ATP6V0E1: variants seen among roughly 807,000 people sequenced by gnomAD.
ATP6V0E1 encodes the protein ATPase H+ transporting V0 subunit e1, also known as V-type proton ATPase subunit e 1.
In ATP6V0E1, 4 loss-of-function variants were observed where a neutral mutation model predicts 11.6. The ratio of observed to expected loss-of-function variants is 0.35; its 90% CI spans 0.17 to 0.79. The LOEUF (loss-of-function observed/expected upper bound fraction) is 0.79, where lower values mean the gene tolerates loss of function less well. ATP6V0E1 is among the 30% of genes least tolerant of loss of function. The pLI is 0.54. For synonymous variants in ATP6V0E1, 36 were observed against 34.8 expected (o/e 1.04, Z -0.13); for missense variants, 105 against 100.0 (o/e 1.05, Z -0.21).
chr5:173,009,167 G>C (rs1045630855), intron 2 of ATP6V0E1, among the ~76,000 whole-genome samples: 2 of 151,380 alleles, frequency 1.3e-5, no homozygotes, highest in African/African-American at 4.9e-5. Flanking sequence ...CAGAGGTTAT[G>C]GTGAGCCAAG....
chr5:173,014,686 G>A (rs1282549358), intron 2 of ATP6V0E1, among the ~76,000 whole-genome samples: 1 of 152,128 alleles, frequency 6.6e-6, no homozygotes, highest in Non-Finnish European at 1.5e-5. Context: ...TCAAAGACAT[G>A]AAGAGTAGAA....
intron 2 of ATP6V0E1, among the ~76,000 whole-genome samples, chr5:172,997,812 CAA>C (rs772648443): frequency 1.9e-4 from 18 of 92,572 alleles, no homozygotes; most frequent in African/African-American, 2.3e-4. Flanking sequence ...GACTCCGTCT[CAA>C]AAAAAAAAAA....
chr5:173,033,679 C>CA (rs201162577), intron 3 of ATP6V0E1, among the ~76,000 whole-genome samples: 3,180 of 151,852 alleles, frequency 0.021, 61 homozygotes, highest in African/African-American at 0.042. Flanking sequence ...CCTGTCTCTA[C>CA]AAAAAAATAT....
In ATP6V0E1 at chr5:173,006,600, T is replaced by C. The variant is rs189632756; in HGVS notation, c.152+11778T>C. On this transcript the variant is annotated intron_variant, in intron 2 of 3. Transcript: ENST00000519374. ...CTGCACTCCAGCCTGGGTGACAGAG[T>C]GAGACTCCATCTCAAACAAACAAAC... 8.6e-3 allele frequency among the ~76,000 whole-genome samples: 1,306 copies of C among 152,024 alleles called. 18 individuals carry two copies. The highest frequency in any genetic ancestry group is 0.03 in the African/African-American group (1,245 of 41,432).
chr5:173,033,257 G>A (rs116250525), intron 3 of ATP6V0E1, among the ~76,000 whole-genome samples: 3,463 of 152,100 alleles, frequency 0.023, 96 homozygotes, highest in African/African-American at 0.059. Context: ...GTGTGTCATC[G>A]TGCTGTAGAG....
chr5:173,009,828 A>G (rs1403834008), intron 2 of ATP6V0E1, among the ~76,000 whole-genome samples: 2 of 146,760 alleles, frequency 1.4e-5, no homozygotes, highest in African/African-American at 2.6e-5. Flanking sequence ...CAGTGGCACA[A>G]TCTGAGCTCA....
chr5:173,000,119 AT>A (rs1362448923), intron 2 of ATP6V0E1, among the ~76,000 whole-genome samples: 1 of 152,182 alleles, frequency 6.6e-6, no homozygotes, highest in Non-Finnish European at 1.5e-5. Flanking sequence ...AAATGCATTC[AT>A]GGACTTTTAA....
chr5:173,010,470 T>C (rs1164405223), intron 2 of ATP6V0E1, among the ~76,000 whole-genome samples: 1 of 152,188 alleles, frequency 6.6e-6, no homozygotes, highest in Non-Finnish European at 1.5e-5. Context: ...CAGGAGACAG[T>C]GGGCTTGGGG....
At chr5:173,018,214 C>T (rs1756431909) in intron 2 of ATP6V0E1, among the ~76,000 whole-genome samples, 1 of 152,024 alleles carries the variant, frequency 6.6e-6, no homozygotes, top group South Asian at 2.1e-4. Flanking sequence ...TATTATATCC[C>T]GTGTTCCTAT....
At chr5:173,008,353 G>A (rs1756261241) in intron 2 of ATP6V0E1, among the ~76,000 whole-genome samples, 1 of 143,880 alleles carries the variant, frequency 7.0e-6, no homozygotes, top group Non-Finnish European at 1.5e-5. Flanking sequence ...AGGCTGGAGT[G>A]CAGTGGCTCA....
chr5:172,999,004 C>T (rs760957043), intron 2 of ATP6V0E1, among the ~76,000 whole-genome samples: 3 of 151,866 alleles, frequency 2.0e-5, no homozygotes, highest in Non-Finnish European at 2.9e-5. Context: ...CATGTGGTGG[C>T]GGGCACCTAT....
Position 173,002,878 on chromosome 5 carries a change from C to G in ATP6V0E1, c.152+8056C>G, listed in dbSNP as rs572869795. Among the ~76,000 whole-genome samples the G allele has an allele frequency of 7.9e-5, 12 of 151,978 alleles. No individual in the cohort carries two copies. In the South Asian group the frequency reaches 2.5e-3, roughly 32 times the overall value. On this transcript the variant is annotated intron_variant, in intron 2 of 3. Transcript: ENST00000519374. ...GGAGGGCTTTCTGCAAATGTAAAGG[C>G]ACTGAGGGGTAAAGAGCTTGGGATA...
intron 2 of ATP6V0E1, among the ~76,000 whole-genome samples, chr5:173,011,907 G>A (rs769261006): frequency 6.6e-5 from 10 of 151,910 alleles, no homozygotes; most frequent in East Asian, 1.9e-4. Flanking sequence ...AGTTCTCTGC[G>A]TGTTTGTCAG....
intron 3 of ATP6V0E1, among the ~76,000 whole-genome samples, chr5:173,025,364 C>T (rs368293091): frequency 4.0e-5 from 6 of 151,474 alleles, no homozygotes; most frequent in East Asian, 1.9e-4. Flanking sequence ...AGGCTGGTCT[C>T]GAACTCCTGA....
intron 2 of ATP6V0E1, among the ~76,000 whole-genome samples, chr5:173,008,910 CAAAA>C (rs1164495740): frequency 5.2e-3 from 213 of 41,356 alleles, no homozygotes; most frequent in African/African-American, 0.019. Context: ...GACTCTGTCT[CAAAA>C]AAAAAAAAAA....
chr5:173,021,357 G>A (rs1325449467), intron 3 of ATP6V0E1, among the ~76,000 whole-genome samples: 1 of 151,510 alleles, frequency 6.6e-6, no homozygotes, highest in Middle Eastern at 3.4e-3. Flanking sequence ...GGCTGGGGAG[G>A]CCTCACAATA....
intron 2 of ATP6V0E1, among the ~76,000 whole-genome samples, chr5:173,011,906 C>T (rs1419968894): frequency 6.6e-6 from 1 of 152,004 alleles, no homozygotes; most frequent in Non-Finnish European, 1.5e-5. Flanking sequence ...CAGTTCTCTG[C>T]GTGTTTGTCA....
chr5:173,032,344 A>G (rs779102700), intron 3 of ATP6V0E1, among the ~76,000 whole-genome samples: 9 of 150,222 alleles, frequency 6.0e-5, no homozygotes, highest in East Asian at 2.0e-4. Context: ...CTGGAGTCCA[A>G]TGGTGTGATC....
chr5:172,992,242 G>T (rs1432699385), intron 1 of ATP6V0E1, among the ~76,000 whole-genome samples: 1 of 151,980 alleles, frequency 6.6e-6, no homozygotes, highest in East Asian at 1.9e-4. Context: ...CAGTAGAGAC[G>T]GGGTTTCACC....
Sources: gnomAD v4.1 joint callset for allele counts (sites outside exome capture counted in the v4.1 genomes callset) on GRCh38, gnomAD v4.1.1 for gene constraint, MANE v1.5 for transcripts, NCBI Gene and HGNC (gene_info 2026-07-23, HGNC 2026-07-21) for gene names.